DLG2: variants seen among roughly 807,000 people sequenced by gnomAD.
The protein encoded by DLG2 is discs large MAGUK scaffold protein 2.
A neutral mutation model predicts 132.5 loss-of-function variants in DLG2; 45 were observed. The observed-to-expected ratio is 0.34, with a 90% CI of 0.27 to 0.44. The LOEUF is 0.44. DLG2 is among the 20% of genes least tolerant of loss of function. DLG2 has a pLI of 1.00. For missense variants in DLG2, 1,045 were observed against 1,196.9 expected (o/e 0.87, Z 1.87); for synonymous variants, 424 against 419.6 (o/e 1.01, Z -0.13).
chr11:83,920,389 A>G (rs2077646508), intron 15 of DLG2, among the ~76,000 whole-genome samples: 1 of 152,170 alleles, frequency 6.6e-6, no homozygotes, highest in African/African-American at 2.4e-5. Flanking sequence ...TAATTAAAAT[A>G]AAATTCTACA....
chr11:84,395,014 T>C (rs2098806551), intron 7 of DLG2, among the ~76,000 whole-genome samples: 1 of 152,204 alleles, frequency 6.6e-6, no homozygotes, highest in African/African-American at 2.4e-5. Flanking sequence ...TAGCTCAATG[T>C]CCTCTCACTT....
Position 85,314,400 on chromosome 11 carries a change from TAGAG to T in DLG2, c.41-29039_41-29036del, listed in dbSNP as rs1211039058. Among the ~76,000 whole-genome samples, 3 of 151,956 alleles carry T rather than the reference TAGAG, an allele frequency of 2.0e-5. No homozygotes were observed. In the East Asian group the frequency reaches 5.8e-4, roughly 29 times the overall value. ...GGTCAGCTAGGAAAAGATTCAAAAA[TAGAG>T]AGGATCATATAAATATATCTATATG... On this transcript the variant is annotated intron_variant, in intron 3 of 27. Coordinates refer to ENST00000376104, the MANE Select transcript of DLG2 (RefSeq NM_001142699.3).
intron 15 of DLG2, among the ~76,000 whole-genome samples, chr11:83,906,657 T>C (rs1277213690): frequency 2.0e-5 from 3 of 152,154 alleles, no homozygotes; most frequent in African/African-American, 7.2e-5. Flanking sequence ...ATTCTCCAGA[T>C]AACCTTCGAG....
intron 15 of DLG2, among the ~76,000 whole-genome samples, chr11:83,899,715 C>T (rs1193052709): frequency 6.6e-6 from 1 of 152,140 alleles, no homozygotes; most frequent in Non-Finnish European, 1.5e-5. Context: ...GTCCAATAAG[C>T]CTCTTTCTTT....
rs1206790446 is a variant in DLG2 at position 84,885,340 on chromosome 11, T to A, written c.357+226321A>T. 4.6e-5 allele frequency among the ~76,000 whole-genome samples: 7 copies of A among 152,164 alleles called. No homozygotes were observed. The South Asian group carries it at 6.2e-4, about 14-fold the overall frequency. On this transcript the variant is annotated intron_variant, in intron 6 of 27. Transcript: ENST00000376104. ...TGCACATTAGGAAAGCAATACAGAA[T>A]AATTTTTTTAAGAGATGGGGTCTTG...
At chr11:84,777,285 A>G (rs895852205) in intron 6 of DLG2, among the ~76,000 whole-genome samples, 1,281 of 15,280 alleles carry the variant, frequency 0.084, 5 homozygotes, top group Non-Finnish European at 0.14. Context: ...GTGTGTGTAT[A>G]TATATATATA....
At chr11:84,850,707 C>T (rs1425874184) in intron 6 of DLG2, among the ~76,000 whole-genome samples, 1 of 151,862 alleles carries the variant, frequency 6.6e-6, no homozygotes, top group Non-Finnish European at 1.5e-5. Context: ...TTGCAGGATG[C>T]AAGATGAACA....
chr11:84,558,788 G>C (rs573460600), intron 6 of DLG2, among the ~76,000 whole-genome samples: 55 of 152,166 alleles, frequency 3.6e-4, no homozygotes, highest in African/African-American at 1.3e-3. Flanking sequence ...TCCATGACTT[G>C]GTGAAGGCTA....
At chr11:83,529,859 A>G (rs1440442347) in intron 21 of DLG2, among the ~76,000 whole-genome samples, 1 of 152,028 alleles carries the variant, frequency 6.6e-6, no homozygotes, top group Non-Finnish European at 1.5e-5. Context: ...ATAATTTACA[A>G]CCTATTCATT....
intron 20 of DLG2, among the ~76,000 whole-genome samples, chr11:83,540,172 A>C (rs1217617771): frequency 6.6e-6 from 1 of 152,212 alleles, no homozygotes; most frequent in African/African-American, 2.4e-5. Flanking sequence ...TCTAGAGAAC[A>C]GCTCTTCAGA....
chr11:84,519,619 C>T (rs1385911441), intron 7 of DLG2, among the ~76,000 whole-genome samples: 2 of 152,076 alleles, frequency 1.3e-5, no homozygotes, highest in Admixed American at 1.3e-4. Flanking sequence ...TTGATCTTTC[C>T]TGCTGAGGGC....
At chr11:84,155,230 T>G (rs2095404949) in intron 9 of DLG2, among the ~76,000 whole-genome samples, 1 of 152,156 alleles carries the variant, frequency 6.6e-6, no homozygotes, top group Non-Finnish European at 1.5e-5. Flanking sequence ...CTGCACTGGG[T>G]TTCACCAGCA....
chr11:84,911,794 C>G (rs1290055294), intron 6 of DLG2, among the ~76,000 whole-genome samples: 2 of 152,158 alleles, frequency 1.3e-5, no homozygotes, highest in Non-Finnish European at 2.9e-5. Context: ...TTAGTGACCT[C>G]TATGCACCAA....
intron 6 of DLG2, among the ~76,000 whole-genome samples, chr11:84,873,232 G>C (rs1384104615): frequency 6.6e-6 from 1 of 152,128 alleles, no homozygotes; most frequent in East Asian, 1.9e-4. Flanking sequence ...TAGAAAAGAA[G>C]ATGTGATGAC....
chr11:83,535,667 A>AC (rs1178059088), intron 20 of DLG2, among the ~76,000 whole-genome samples: 2 of 152,136 alleles, frequency 1.3e-5, no homozygotes, highest in Non-Finnish European at 2.9e-5. Context: ...GTAAAAAAAA[A>AC]AAATTGAAGC....
intron 17 of DLG2, among the ~76,000 whole-genome samples, chr11:83,832,001 G>A (rs1565252693): frequency 6.6e-6 from 1 of 152,150 alleles, no homozygotes; most frequent in Non-Finnish European, 1.5e-5. Context: ...TATGGTAGGT[G>A]TAATGGGCAT....
At chr11:83,856,193 C>T (rs113642344) in intron 16 of DLG2, among the ~76,000 whole-genome samples, 10,420 of 152,196 alleles carry the variant, frequency 0.068, 938 homozygotes, top group African/African-American at 0.21. Flanking sequence ...GCATATAATT[C>T]ATGGTGTGTA....
At chr11:85,238,438 T>C (rs2075711507) in intron 4 of DLG2, among the ~76,000 whole-genome samples, 1 of 151,818 alleles carries the variant, frequency 6.6e-6, no homozygotes, top group Admixed American at 6.6e-5. Context: ...GAGATAGGGT[T>C]TCACCATGTT....
chr11:83,563,037 C>T (rs546876846), intron 19 of DLG2, among the ~76,000 whole-genome samples: 6 of 133,894 alleles, frequency 4.5e-5, no homozygotes, highest in Admixed American at 8.7e-5. Flanking sequence ...TGCAGTGGCT[C>T]GATCTTTGCT....
Sources: gnomAD v4.1 joint callset for allele counts (sites outside exome capture counted in the v4.1 genomes callset) on GRCh38, gnomAD v4.1.1 for gene constraint, MANE v1.5 for transcripts, NCBI Gene and HGNC (gene_info 2026-07-23, HGNC 2026-07-21) for gene names.